RPS6KA6: variants seen among roughly 807,000 people sequenced by gnomAD.
The protein encoded by RPS6KA6 is ribosomal protein S6 kinase A6.
Under a neutral mutation model 65.4 loss-of-function variants are expected in RPS6KA6, and 27 were observed. That is an observed-to-expected ratio of 0.41 (90% CI 0.30 to 0.57). The LOEUF (loss-of-function observed/expected upper bound fraction) is 0.57. RPS6KA6 is among the 20% of genes least tolerant of loss of function. RPS6KA6 has a pLI of 0.24. For synonymous variants in RPS6KA6, 190 were observed against 184.2 expected, an observed-to-expected ratio of 1.03 and a Z score of -0.26; for missense variants, 486 against 555.6, an observed-to-expected ratio of 0.87 and a Z score of 1.26.
At position 84,188,052 on chromosome X, in the gene RPS6KA6, G is replaced by A. The variant is rs1343890969; in HGVS notation, c.-153C>T. ...TCAGCGAGCGCTGCCCTCGCCGCCG[G>A]GTCTCTCAGAGGCTGGGAGCTGGGG... On this transcript the variant is annotated 5_prime_UTR_variant, in exon 1 of 22. Coordinates refer to ENST00000262752, the MANE Select transcript of RPS6KA6 (RefSeq NM_014496.5). 6 of 201,237 alleles carry A rather than the reference G, an allele frequency of 3.0e-5. No homozygotes were observed. Among genetic ancestry groups the A allele is most frequent in the Non-Finnish European group, 4.7e-5 (6 of 127,696 alleles). 16.6% of individuals were successfully genotyped at this position (201,237 alleles called of 1,213,427 possible).
At chrX:84,066,601 G>A (rs2033410236) in intron 20 of RPS6KA6, among the ~76,000 whole-genome samples, 1 of 111,133 alleles carries the variant, frequency 9.0e-6, no homozygotes, top group South Asian at 3.8e-4. Context: ...CTGAAAGGCA[G>A]CAGCCCCAGT....
chrX:84,185,319 G>A (rs887782946), intron 1 of RPS6KA6, among the ~76,000 whole-genome samples: 4 of 111,239 alleles, frequency 3.6e-5, no homozygotes, highest in African/African-American at 1.3e-4. Flanking sequence ...CCCTTTTCAG[G>A]CCCATTCTCT....
At chrX:84,164,164 A>G (rs574497271) in intron 2 of RPS6KA6, among the ~76,000 whole-genome samples, 164 bp downstream of exon 2, 2 of 112,174 alleles carry the variant, frequency 1.8e-5, no homozygotes, top group African/African-American at 6.5e-5. Context: ...CTGTCAGGAA[A>G]ACCTGTCCTA....
rs1415829838 is a variant in RPS6KA6, at chrX:84,147,007, T to C, written c.392A>G (p.Asn131Ser). ...KMERDILVEV[N>S]HPFIVKLHYA... ...GTGCAATTTGACAATAAATGGATGA[T>C]TTACTTCCACCAGTATATCCCTCTC... The change falls in exon 5 of 22, where the codon AAT becomes AGT. Residue 131 changes from asparagine (N) to serine (S), a missense_variant. Transcript: ENST00000262752. 2 of 1,184,260 alleles carry C rather than the reference T, an allele frequency of 1.7e-6. No individual in the cohort carries two copies. Among genetic ancestry groups the C allele is most frequent in the South Asian group, 1.9e-5 (1 of 53,274 alleles).
intron 20 of RPS6KA6, among the ~76,000 whole-genome samples, chrX:84,092,909 A>C (rs960524590): frequency 3.6e-5 from 4 of 112,080 alleles, no homozygotes; most frequent in Non-Finnish European, 5.6e-5. Flanking sequence ...TATTCACAAT[A>C]GCCAAGATAT....
intron 16 of RPS6KA6, among the ~76,000 whole-genome samples, chrX:84,105,185 C>T (rs1462067698): frequency 9.0e-6 from 1 of 110,860 alleles, no homozygotes; most frequent in African/African-American, 3.3e-5. Flanking sequence ...CACACACACA[C>T]ACACACCACA....
Position 84,063,711 on chromosome X carries a change from T to C in RPS6KA6, c.*566A>G, listed in dbSNP as rs1006489541. 4.5e-5 allele frequency: 5 copies of C among 112,194 alleles called. No individual in the cohort carries two copies. The East Asian group carries it at 1.4e-3, about 31-fold the overall frequency. The allele number at this position is 112,194 out of a possible 1,213,427, so 9.2% of individuals were successfully genotyped here. A position where few individuals can be genotyped will look rare whatever the true frequency, so the allele number is the denominator to read the frequency against. Reference sequence around the variant, plus strand: ...CCAACTATATCAAGAATTCATATATTAGCACAAATGTATTTTGCTCTGGCA... The same window carrying C: ...CCAACTATATCAAGAATTCATATATCAGCACAAATGTATTTTGCTCTGGCA... On this transcript the variant is annotated 3_prime_UTR_variant, in exon 22 of 22. Coordinates refer to ENST00000262752, the MANE Select transcript of RPS6KA6 (RefSeq NM_014496.5).
At chrX:84,109,782 CT>C (rs1244562074) in intron 12 of RPS6KA6, among the ~76,000 whole-genome samples, 2 of 110,637 alleles carry the variant, frequency 1.8e-5, no homozygotes, top group African/African-American at 6.6e-5. Context: ...AGTCTAGAGA[CT>C]TAACAAGTCC....
chrX:84,148,319 A>G (rs2035237338), intron 3 of RPS6KA6, among the ~76,000 whole-genome samples, 196 bp from the exon 4 acceptor site: 1 of 110,471 alleles, frequency 9.1e-6, no homozygotes. Context: ...TGATCCCCAT[A>G]CATTATACGT....
chrX:84,144,931 T>C (rs750509677), intron 6 of RPS6KA6, among the ~76,000 whole-genome samples: 2 of 110,905 alleles, frequency 1.8e-5, no homozygotes, highest in African/African-American at 6.5e-5. Flanking sequence ...ATATACTATA[T>C]GATTCCATTT....
At chrX:84,178,907 T>C (rs1458205182) in intron 1 of RPS6KA6, among the ~76,000 whole-genome samples, 1 of 105,002 alleles carries the variant, frequency 9.5e-6, no homozygotes, top group Non-Finnish European at 2.0e-5. Flanking sequence ...ACACAATTCA[T>C]AAAAGAAAAA....
rs1253324311 is a variant in RPS6KA6, at chrX:84,134,661, G to C, written c.646+121C>G. On this transcript the variant is annotated intron_variant, in intron 8 of 21. Coordinates refer to ENST00000262752, the MANE Select transcript of RPS6KA6 (RefSeq NM_014496.5). ...ATCAAGTAACATTTAATTCACTAAA[G>C]AGACAAATAAATTGCAAATCAAATT... is the stretch of plus-strand genomic sequence containing the variant. The C allele has an allele frequency of 6.8e-5, 30 of 441,155 alleles. No homozygotes were observed. In the Admixed American group the frequency reaches 1.4e-3, roughly 21 times the overall value. The allele number at this position is 441,155 out of a possible 1,213,427, so 36.4% of individuals were successfully genotyped here. A position where few individuals can be genotyped will look rare whatever the true frequency, so the allele number is the denominator to read the frequency against.
At chrX:84,171,146 T>C (rs1794395812) in intron 1 of RPS6KA6, among the ~76,000 whole-genome samples, 1 of 111,216 alleles carries the variant, frequency 9.0e-6, no homozygotes, top group African/African-American at 3.3e-5. Context: ...AGCCTCTATA[T>C]AACAATGCAG....
At chrX:84,169,952 C>G (rs1163493944) in intron 1 of RPS6KA6, among the ~76,000 whole-genome samples, 1 of 110,401 alleles carries the variant, frequency 9.1e-6, no homozygotes, top group Non-Finnish European at 1.9e-5. Context: ...AGGTGCATCA[C>G]CTGAGATCAG....
intron 18 of RPS6KA6, among the ~76,000 whole-genome samples, chrX:84,101,065 CAT>C (rs1368197176): frequency 1.8e-5 from 2 of 110,737 alleles, no homozygotes; most frequent in Non-Finnish European, 1.9e-5. Flanking sequence ...AAAATAAAAT[CAT>C]AAAATATATA....
At chrX:84,082,760 C>T (rs751356428) in intron 20 of RPS6KA6, among the ~76,000 whole-genome samples, 43 of 110,722 alleles carry the variant, frequency 3.9e-4, no homozygotes, top group South Asian at 1.2e-3. Flanking sequence ...TATAGGCCAA[C>T]GAAACAGAAC....
chrX:84,097,678 C>A, intron 19 of RPS6KA6, 94 bp downstream of exon 19: 2 of 527,705 alleles, frequency 3.8e-6, no homozygotes, highest in Non-Finnish European at 6.2e-6. Flanking sequence ...TGTCATTTTC[C>A]TTAAAGTTAT....
At chrX:84,186,043 C>G in intron 1 of RPS6KA6, 1 of 510,936 alleles carries the variant, frequency 2.0e-6, no homozygotes, top group Non-Finnish European at 3.5e-6. Flanking sequence ...GGCAGAAATA[C>G]TATCTTCACC....
intron 3 of RPS6KA6, among the ~76,000 whole-genome samples, chrX:84,148,722 A>G (rs1031312087): frequency 1.8e-5 from 2 of 111,426 alleles, no homozygotes; most frequent in Admixed American, 9.6e-5. Flanking sequence ...AATATGCTTT[A>G]TTGCTAAAAA....
Sources: allele counts gnomAD v4.1 joint callset (sites outside exome capture counted in the v4.1 genomes callset), GRCh38; gene constraint gnomAD v4.1.1; transcripts MANE v1.5; gene names NCBI Gene and HGNC (gene_info 2026-07-23, HGNC 2026-07-21).